The following PDE10A variants were observed in gnomAD, a reference collection of about 807,000 sequenced individuals.
The protein encoded by PDE10A is phosphodiesterase 10A.
Under a neutral mutation model 97.7 loss-of-function variants are expected in PDE10A, and 39 were observed. That is an observed-to-expected ratio of 0.40 (90% CI 0.31 to 0.52). The LOEUF (loss-of-function observed/expected upper bound fraction) is 0.52, where lower values mean the gene tolerates loss of function less well. PDE10A is among the 20% of genes least tolerant of loss of function. The pLI, the probability that PDE10A is intolerant of heterozygous loss-of-function variation, is 0.56. For synonymous variants in PDE10A, 371 were observed against 376.8 expected, an observed-to-expected ratio of 0.98 and a Z score of 0.18; for missense variants, 731 against 1,047.8, an observed-to-expected ratio of 0.70 and a Z score of 4.17.
chr6:165,632,321 T>C (rs555467420), intron 1 of PDE10A, among the ~76,000 whole-genome samples: 33 of 151,660 alleles, frequency 2.2e-4, no homozygotes, highest in Non-Finnish European at 2.1e-4. Context: ...GGAAATTAAA[T>C]TCTAGTTTGA....
chr6:165,346,434 G>A (rs961884533), intron 18 of PDE10A, among the ~76,000 whole-genome samples: 6 of 151,984 alleles, frequency 3.9e-5, no homozygotes, highest in African/African-American at 9.7e-5. Context: ...CTTTCTCCCC[G>A]ACTGCCATGT....
At chr6:165,724,842 A>C (rs541916979) in intron 1 of PDE10A, among the ~76,000 whole-genome samples, 5 of 152,350 alleles carry the variant, frequency 3.3e-5, no homozygotes, top group South Asian at 4.1e-4. Flanking sequence ...ATCGGCTTCC[A>C]GTGCATCTTC....
Position 165,418,621 on chromosome 6 carries a change from A to G in PDE10A, c.1796+14T>C. On this transcript the variant is annotated intron_variant, in intron 11 of 21. Transcript: ENST00000539869. The surrounding 1 kb of genome is among the most constrained non-coding windows in gnomAD (Gnocchi z 4.8). Reference sequence around the variant, plus strand: ...CTACCGTAAGAGGATAGGACATTCTACTTCTAGCTGTACCTTATCTCTTTG... The same window carrying G: ...CTACCGTAAGAGGATAGGACATTCTGCTTCTAGCTGTACCTTATCTCTTTG... 1.2e-6 allele frequency: 2 copies of G among 1,609,832 alleles called. No homozygotes were observed. The highest frequency in any genetic ancestry group is 2.2e-5 in the East Asian group (1 of 44,858).
At chr6:165,771,380 G>A (rs1372044287) in intron 1 of PDE10A, among the ~76,000 whole-genome samples, 1 of 151,904 alleles carries the variant, frequency 6.6e-6, no homozygotes, top group Non-Finnish European at 1.5e-5. Flanking sequence ...CCAGCTCGGG[G>A]CTCCTGCTCA....
intron 2 of PDE10A, among the ~76,000 whole-genome samples, chr6:165,485,391 C>T (rs1287847739): frequency 6.7e-6 from 1 of 150,014 alleles, no homozygotes; most frequent in Admixed American, 6.6e-5. Context: ...TCACTTGAAC[C>T]CAGGAGGCAG....
chr6:165,666,483 A>G (rs535080077), upstream of PDE10A, among the ~76,000 whole-genome samples: 23 of 152,354 alleles, frequency 1.5e-4, no homozygotes, highest in African/African-American at 4.6e-4. Context: ...TGCGTTTTAC[A>G]TATCAGACTT....
At chr6:165,853,540 T>C (rs762948794) in intron 1 of PDE10A, among the ~76,000 whole-genome samples, 1 of 152,240 alleles carries the variant, frequency 6.6e-6, no homozygotes, top group Non-Finnish European at 1.5e-5. Flanking sequence ...TTGTATATTA[T>C]AGTGAGTTCA....
intron 1 of PDE10A, among the ~76,000 whole-genome samples, chr6:165,841,599 G>A (rs1426179982): frequency 4.6e-5 from 7 of 152,232 alleles, no homozygotes; most frequent in Middle Eastern, 3.2e-3. Flanking sequence ...CTCCCATCCC[G>A]GGGGTTCAAA....
At chr6:165,348,055 A>T (rs757201182) in intron 18 of PDE10A, among the ~76,000 whole-genome samples, 3 of 152,148 alleles carry the variant, frequency 2.0e-5, no homozygotes, top group Non-Finnish European at 4.4e-5. Context: ...CGTACATCTA[A>T]ATTAAGAAAA....
chr6:165,647,876 C>G (rs900546933), intron 1 of PDE10A, among the ~76,000 whole-genome samples: 4 of 152,220 alleles, frequency 2.6e-5, no homozygotes, highest in Admixed American at 1.3e-4. Context: ...TATATATTAT[C>G]TCATTTAATC....
intron 1 of PDE10A, among the ~76,000 whole-genome samples, chr6:165,748,165 A>C (rs569736939): frequency 6.6e-6 from 1 of 152,348 alleles, no homozygotes; most frequent in South Asian, 2.1e-4. Context: ...CCAGAAAAAA[A>C]ATGCTGAGTC....
intron 1 of PDE10A, among the ~76,000 whole-genome samples, chr6:165,718,873 A>G (rs1227515828): frequency 6.6e-6 from 1 of 152,222 alleles, no homozygotes; most frequent in Admixed American, 6.5e-5. Flanking sequence ...AATAAACAGT[A>G]AAAGGAAACT....
At chr6:165,386,873 G>A (rs990541471) in intron 17 of PDE10A, among the ~76,000 whole-genome samples, 5 of 151,488 alleles carry the variant, frequency 3.3e-5, no homozygotes, top group South Asian at 2.1e-4. Flanking sequence ...AAAATTAGCC[G>A]GGCATGGTGG....
At chr6:165,748,034 A>T (rs2128455036) in intron 1 of PDE10A, among the ~76,000 whole-genome samples, 1 of 152,242 alleles carries the variant, frequency 6.6e-6, no homozygotes, top group African/African-American at 2.4e-5. Context: ...CCCTCGGGGT[A>T]AGAGCTTATT....
At chr6:165,507,967 T>C (rs1010695403) in intron 2 of PDE10A, among the ~76,000 whole-genome samples, 1 of 152,132 alleles carries the variant, frequency 6.6e-6, no homozygotes, top group Non-Finnish European at 1.5e-5. Context: ...TTTCAACTTA[T>C]GTAGATATAT....
chr6:165,665,310 G>A (rs1351506183), upstream of PDE10A, among the ~76,000 whole-genome samples: 4 of 152,114 alleles, frequency 2.6e-5, no homozygotes, highest in African/African-American at 7.2e-5. Flanking sequence ...AGACATACAG[G>A]GTCTGTCACT....
intron 1 of PDE10A, among the ~76,000 whole-genome samples, chr6:165,912,578 T>C (rs1305631623): frequency 6.6e-6 from 1 of 152,344 alleles, no homozygotes; most frequent in East Asian, 1.9e-4. Context: ...AGCACAGTGC[T>C]GAAGTGCTGT....
intron 1 of PDE10A, among the ~76,000 whole-genome samples, chr6:165,864,258 T>C (rs556096861): frequency 6.6e-6 from 1 of 152,274 alleles, no homozygotes; most frequent in East Asian, 1.9e-4. Context: ...CAGAAAAAAC[T>C]GTGGAAGACT....
chr6:165,371,590 C>T (rs1784251269), intron 18 of PDE10A, among the ~76,000 whole-genome samples: 2 of 152,172 alleles, frequency 1.3e-5, no homozygotes, highest in Non-Finnish European at 2.9e-5. Flanking sequence ...TAATCAACAG[C>T]TTACCAACCA....
Sources: gnomAD v4.1 joint callset for allele counts (sites outside exome capture counted in the v4.1 genomes callset) on GRCh38, gnomAD v4.1.1 for gene constraint, Gnocchi (gnomAD v3.1) non-coding constraint, MANE v1.5 for transcripts, NCBI Gene and HGNC (gene_info 2026-07-23, HGNC 2026-07-21) for gene names.